Variants in PTK7 observed in about 807,000 individuals in gnomAD.
PTK7 encodes the protein inactive tyrosine-protein kinase 7.
PTK7 carries 39 observed loss-of-function variants against 116.6 expected under a neutral mutation model. The observed-to-expected ratio is 0.33, with a 90% CI of 0.26 to 0.44. PTK7 has a LOEUF of 0.44. Ranked by LOEUF, PTK7 falls within the 20% of genes least tolerant of loss-of-function variation. PTK7 has a pLI of 1.00. For missense variants in PTK7, 1,169 were observed against 1,425.6 expected, an observed-to-expected ratio of 0.82 and a Z score of 2.90; for synonymous variants, 546 against 563.6, an observed-to-expected ratio of 0.97 and a Z score of 0.44.
rs1438413698 is a variant in PTK7 at position 43,102,281 on chromosome 6, T to C, written c.79+25714T>C. Among the ~76,000 whole-genome samples the C allele has an allele frequency of 2.0e-5, 3 of 152,058 alleles. No homozygotes were observed. In the East Asian group the frequency reaches 5.8e-4, roughly 29 times the overall value. On this transcript the variant is annotated intron_variant, in intron 1 of 19. Coordinates refer to ENST00000230419, the MANE Select transcript of PTK7 (RefSeq NM_002821.5). The stretch of plus-strand genomic sequence containing the variant: ...CTCTACTAAAAACCCAAAAATTAGC[T>C]GGGCATGGTGGCGGGCGCCTGTAGT...
At chr6:43,088,908 C>G (rs933353256) in intron 1 of PTK7, among the ~76,000 whole-genome samples, 1 of 151,992 alleles carries the variant, frequency 6.6e-6, no homozygotes, top group African/African-American at 2.4e-5. Context: ...CTATTGCTTC[C>G]TGCTGGGAGA....
At chr6:43,093,629 G>A (rs1767078952) in intron 1 of PTK7, among the ~76,000 whole-genome samples, 1 of 152,048 alleles carries the variant, frequency 6.6e-6, no homozygotes, top group South Asian at 2.1e-4. Flanking sequence ...GGAGACAGCT[G>A]GTTGCCATCC....
chr6:43,127,640 G>A (rs1050807280), intron 1 of PTK7, among the ~76,000 whole-genome samples: 1 of 152,188 alleles, frequency 6.6e-6, no homozygotes, highest in Non-Finnish European at 1.5e-5. Context: ...ATAAAGAACA[G>A]GACATGGGGC....
At chr6:43,123,423 G>A (rs1769079516) in intron 1 of PTK7, among the ~76,000 whole-genome samples, 1 of 152,212 alleles carries the variant, frequency 6.6e-6, no homozygotes, top group Non-Finnish European at 1.5e-5. Context: ...TTGGATTGAA[G>A]CAGCCAAAAT....
intron 1 of PTK7, among the ~76,000 whole-genome samples, chr6:43,125,729 A>C (rs12663852): frequency 0.11 from 16,701 of 152,198 alleles, 1,478 homozygotes; most frequent in East Asian, 0.31. Context: ...TTTGCAAGGC[A>C]CTTCATGTAT....
At chr6:43,110,083 G>A (rs575819847) in intron 1 of PTK7, among the ~76,000 whole-genome samples, 52 of 145,040 alleles carry the variant, frequency 3.6e-4, no homozygotes, top group Non-Finnish European at 6.5e-4. Context: ...AGCAACCTCC[G>A]TCTCCTAGGT....
At position 43,132,534 on chromosome 6, in the gene PTK7, G is replaced by A. The variant is rs148069775; in HGVS notation, c.1075G>A (p.Ala359Thr). The change falls in exon 7 of 20, where the codon GCG becomes ACG. Residue 359 changes from alanine (A) to threonine (T), a missense_variant. Coordinates refer to ENST00000230419, the MANE Select transcript of PTK7 (RefSeq NM_002821.5). ...LPEPSVWWEH[A>T]GVRLPTHGRV... ...AGAGCCCAGCGTGTGGTGGGAGCAC[G>A]CGGGAGTCCGGCTGCCCACCCATGG... 49 of 1,613,418 alleles carry A rather than the reference G, an allele frequency of 3.0e-5. No homozygotes were observed. The highest frequency in any genetic ancestry group is 2.7e-4 in the Admixed American group (16 of 59,990).
Position 43,142,282 on chromosome 6 carries a change from C to T in PTK7, c.2030C>T (p.Ala677Val), listed in dbSNP as rs1349058057. 1.2e-6 allele frequency: 2 copies of T among 1,614,036 alleles called. No individual in the cohort carries two copies. Among genetic ancestry groups the T allele is most frequent in the Admixed American group, 3.3e-5 (2 of 59,996 alleles). Reference protein sequence around the residue: ...GNSCNIKHTEAPLYVVDKPVP... With the variant: ...GNSCNIKHTEVPLYVVDKPVP... ...AGCTGCAACATCAAGCACACGGAGG[C>T]CCCCCTCTATGTCGTGGGTATGGGC... The change falls in exon 13 of 20, where the codon GCC becomes GTC. Residue 677 changes from alanine (A) to valine (V), a missense_variant. This residue lies in a region of PTK7 where 678 missense variants were observed against 853.8 expected (regional missense o/e 0.79). Transcript: ENST00000230419.
At chr6:43,094,467 ATT>A (rs1297200835) in intron 1 of PTK7, among the ~76,000 whole-genome samples, 6 of 140,932 alleles carry the variant, frequency 4.3e-5, no homozygotes, top group Admixed American at 7.1e-5. Context: ...TCAAAAGCAA[ATT>A]TTTTTTTTTT....
At chr6:43,085,218 G>C (rs1463833647) in intron 1 of PTK7, among the ~76,000 whole-genome samples, 2 of 152,192 alleles carry the variant, frequency 1.3e-5, no homozygotes, top group Non-Finnish European at 2.9e-5. Flanking sequence ...GGCTAGCCCT[G>C]ATGGTTCTTC....
At chr6:43,094,786 G>A (rs1451454182) in intron 1 of PTK7, among the ~76,000 whole-genome samples, 1 of 151,826 alleles carries the variant, frequency 6.6e-6, no homozygotes, top group Admixed American at 6.6e-5. Context: ...CCACAAAATT[G>A]TTTTTTAAAA....
chr6:43,152,420 T>A (rs1439949073), intron 17 of PTK7, among the ~76,000 whole-genome samples: 1 of 152,196 alleles, frequency 6.6e-6, no homozygotes, highest in African/African-American at 2.4e-5. Flanking sequence ...GTCCTGCTAC[T>A]TGGGAGGCTG....
rs151036934 is a variant in PTK7 at position 43,101,033 on chromosome 6, G to A, written c.79+24466G>A. On this transcript the variant is annotated intron_variant, in intron 1 of 19. Transcript: ENST00000230419. ...AGATCACTTGAGGTCCAGAGTTCGA[G>A]ACCAGCCTGATCAACATGGAGAAAC... is the stretch of plus-strand genomic sequence containing the variant. Among the ~76,000 whole-genome samples the A allele has an allele frequency of 5.5e-3, 816 of 149,102 alleles. 52 individuals carry two copies. In the East Asian group the frequency reaches 0.14, roughly 25 times the overall value.
chr6:43,092,194 G>T lies in PTK7; in HGVS notation c.79+15627G>T, dbSNP rs145233361. Among the ~76,000 whole-genome samples, 34 of 152,108 alleles carry T rather than the reference G, an allele frequency of 2.2e-4. 1 individual carries two copies. Among genetic ancestry groups the T allele is most frequent in the African/African-American group, 6.8e-4 (28 of 41,468 alleles). On this transcript the variant is annotated intron_variant, in intron 1 of 19. Transcript: ENST00000230419. ...CTAATTTATTTATTTGTTTTTTAGA[G>T]ATATGGTCTTGCTCTGTTGCCCAGG...
chr6:43,132,807 T>TGG (rs757703611), intron 7 of PTK7, 120 bp downstream of exon 7: 40 of 1,381,352 alleles, frequency 2.9e-5, no homozygotes, highest in African/African-American at 5.7e-5. Context: ...CCTGCAGGCT[T>TGG]GGGAATCAGT....
chr6:43,145,084 C>T lies in PTK7; in HGVS notation c.2408-116C>T, dbSNP rs777585537. 4.1e-5 allele frequency: 36 copies of T among 869,040 alleles called. No homozygotes were observed. Among genetic ancestry groups the T allele is most frequent in the Admixed American group, 1.0e-4 (4 of 38,332 alleles). 53.8% of individuals were successfully genotyped at this position (869,040 alleles called of 1,614,324 possible). On this transcript the variant is annotated intron_variant, in intron 15 of 19. Coordinates refer to ENST00000230419, the MANE Select transcript of PTK7 (RefSeq NM_002821.5). The surrounding 1 kb of genome is among the most constrained non-coding windows in gnomAD (Gnocchi z 4.8). ...AGGGGGTCACAGCAGAACCGGGTCT[C>T]GTGCCCAGCCCAGGTGGGTGGGTCC...
intron 1 of PTK7, among the ~76,000 whole-genome samples, chr6:43,106,738 C>T (rs1028443560): frequency 4.0e-5 from 6 of 148,580 alleles, no homozygotes; most frequent in Admixed American, 6.9e-5. Context: ...ATGGCAACCT[C>T]GGCCTCCCAA....
At position 43,076,818 on chromosome 6, in the gene PTK7, A is replaced by G. The variant is rs2150362746; in HGVS notation, c.79+251A>G. 2.8e-6 allele frequency: 4 copies of G among 1,410,078 alleles called. No homozygotes were observed. In the African/African-American group the frequency reaches 4.4e-5, roughly 16 times the overall value. The allele number at this position is 1,410,078 out of a possible 1,614,324, so 87.3% of individuals were successfully genotyped here. A position where few individuals can be genotyped will look rare whatever the true frequency, so the allele number is the denominator to read the frequency against. ...CGGGGACGCATTTCCAGCCTCCCTGAGTTTTTCTGGTCTGAGCCGAGAGTT... is the reference window on the plus strand; with the variant it reads ...CGGGGACGCATTTCCAGCCTCCCTGGGTTTTTCTGGTCTGAGCCGAGAGTT... On this transcript the variant is annotated intron_variant, in intron 1 of 19. Coordinates refer to ENST00000230419, the MANE Select transcript of PTK7 (RefSeq NM_002821.5). This position sits in a 1 kb window ranked among gnomAD's most constrained non-coding sequence, Gnocchi z 5.7.
intron 1 of PTK7, among the ~76,000 whole-genome samples, chr6:43,112,485 T>A (rs538634387): frequency 2.0e-5 from 3 of 152,148 alleles, no homozygotes; most frequent in African/African-American, 7.2e-5. Context: ...GGCCCGGGTC[T>A]CACATTGTCT....
Sources: allele counts gnomAD v4.1 joint callset (sites outside exome capture counted in the v4.1 genomes callset), GRCh38; gene constraint gnomAD v4.1.1; regional missense constraint gnomAD v4.1.1; non-coding constraint Gnocchi (gnomAD v3.1); transcripts MANE v1.5; gene names NCBI Gene and HGNC (gene_info 2026-07-23, HGNC 2026-07-21).